The following PRKG1 variants were observed in gnomAD, a reference collection of about 807,000 sequenced individuals.
The protein encoded by PRKG1 is protein kinase cGMP-dependent 1.
PRKG1 carries 35 observed loss-of-function variants against 88.1 expected under a neutral mutation model. The ratio of observed to expected loss-of-function variants is 0.40; its 90% CI spans 0.30 to 0.53. PRKG1 has a LOEUF of 0.53. PRKG1 is among the 20% of genes least tolerant of loss of function. The pLI, the probability that PRKG1 is intolerant of heterozygous loss-of-function variation, is 0.59. For synonymous variants in PRKG1, 303 were observed against 292.5 expected, an observed-to-expected ratio of 1.04 and a Z score of -0.37; for missense variants, 540 against 839.8, an observed-to-expected ratio of 0.64 and a Z score of 4.41.
Position 51,978,089 on chromosome 10 carries a change from T to C in PRKG1, c.762+70519T>C, listed in dbSNP as rs115266585. The stretch of plus-strand genomic sequence containing the variant: ...TATTGCCTATGTCGTCTTCCAGGTT[T>C]TTTATAGTTTTGAGTTTTACATTTA... On this transcript the variant is annotated intron_variant, in intron 5 of 17. Coordinates refer to ENST00000373980, the MANE Select transcript of PRKG1 (RefSeq NM_006258.4). Among the ~76,000 whole-genome samples the C allele has an allele frequency of 2.8e-3, 419 of 152,228 alleles. 2 individuals are homozygous for C. The highest frequency in any genetic ancestry group is 9.6e-3 in the African/African-American group (397 of 41,552).
intron 3 of PRKG1, among the ~76,000 whole-genome samples, chr10:51,476,997 C>G (rs778026267): frequency 6.6e-6 from 1 of 151,940 alleles, no homozygotes; most frequent in Non-Finnish European, 1.5e-5. Flanking sequence ...GGTGAGGCAA[C>G]TGAGTTTTAA....
At chr10:51,478,167 G>T (rs891873239) in intron 3 of PRKG1, among the ~76,000 whole-genome samples, 2 of 152,114 alleles carry the variant, frequency 1.3e-5, no homozygotes, top group Non-Finnish European at 2.9e-5. Context: ...CTGAGGAGGC[G>T]CCAAGTATAT....
intron 5 of PRKG1, chr10:51,908,736 T>TATCTA (rs1564703535): frequency 3.1e-5 from 4 of 127,780 alleles, no homozygotes; most frequent in African/African-American, 1.1e-4. Flanking sequence ...TATATGTAAT[T>TATCTA]TTTTTTTTTT....
At chr10:51,284,790 A>G (rs1353819320) in intron 2 of PRKG1, among the ~76,000 whole-genome samples, 1 of 148,556 alleles carries the variant, frequency 6.7e-6, no homozygotes, top group African/African-American at 2.5e-5. Context: ...TTTTGTAACC[A>G]TGCAGTTGAA....
intron 2 of PRKG1, among the ~76,000 whole-genome samples, chr10:51,161,199 G>T (rs1201124540): frequency 6.6e-6 from 1 of 151,854 alleles, no homozygotes; most frequent in Non-Finnish European, 1.5e-5. Context: ...CAGATTTGAT[G>T]AATAGAGGTA....
intron 8 of PRKG1, among the ~76,000 whole-genome samples, chr10:52,142,841 C>CGTTTAA (rs1196419693): frequency 1.1e-4 from 17 of 152,236 alleles, no homozygotes; most frequent in African/African-American, 3.6e-4. Flanking sequence ...TTACAACACT[C>CGTTTAA]GTTTATCTGT....
chr10:51,836,625 T>C (rs1840137507), intron 4 of PRKG1, among the ~76,000 whole-genome samples: 1 of 152,178 alleles, frequency 6.6e-6, no homozygotes, highest in Non-Finnish European at 1.5e-5. Context: ...TTCATTCTTT[T>C]GTATGTGGAT....
chr10:51,616,846 T>C lies in PRKG1; in HGVS notation c.592+149010T>C, dbSNP rs1268357922. On this transcript the variant is annotated intron_variant, in intron 3 of 17. Coordinates refer to ENST00000373980, the MANE Select transcript of PRKG1 (RefSeq NM_006258.4). ...TGGTGGGTGGGAACATGCACACCACTTGCTCCTCAGGACCAAAAAGGTGGT... is the reference window on the plus strand; with the variant it reads ...TGGTGGGTGGGAACATGCACACCACCTGCTCCTCAGGACCAAAAAGGTGGT... 2.0e-5 allele frequency among the ~76,000 whole-genome samples: 3 copies of C among 152,116 alleles called. No homozygotes were observed. In the East Asian group the frequency reaches 5.8e-4, roughly 29 times the overall value.
At chr10:51,578,197 A>T (rs898292493) in intron 3 of PRKG1, among the ~76,000 whole-genome samples, 1 of 152,126 alleles carries the variant, frequency 6.6e-6, no homozygotes, top group South Asian at 2.1e-4. Context: ...AGCACACTTC[A>T]ATTAGATTAT....
intron 2 of PRKG1, among the ~76,000 whole-genome samples, chr10:51,272,359 GGT>G (rs201066802): frequency 6.6e-5 from 10 of 151,274 alleles, no homozygotes; most frequent in African/African-American, 2.2e-4. Context: ...CTTATCGTGG[GGT>G]GGGGGGCTAG....
chr10:52,125,944 T>C (rs1353476385), intron 7 of PRKG1: 1 of 152,128 alleles, frequency 6.6e-6, no homozygotes, highest in African/African-American at 2.4e-5. Context: ...AAGTGGCTAA[T>C]GGTTGGGGAG....
Position 51,705,618 on chromosome 10 carries a change from T to C in PRKG1, c.593-98967T>C, listed in dbSNP as rs573519942. Reference sequence around the variant, plus strand: ...ACAGATGCTTTATAAAGGCAAACTCTGAGCACTTAGTAGGGAGAAGGCTCT... The same window carrying C: ...ACAGATGCTTTATAAAGGCAAACTCCGAGCACTTAGTAGGGAGAAGGCTCT... On this transcript the variant is annotated intron_variant, in intron 3 of 17. Transcript: ENST00000373980. 1.2e-4 allele frequency among the ~76,000 whole-genome samples: 18 copies of C among 152,334 alleles called. No homozygotes were observed. The South Asian group carries it at 3.5e-3, about 30-fold the overall frequency.
intron 1 of PRKG1, among the ~76,000 whole-genome samples, chr10:50,997,212 T>A (rs952609886): frequency 6.6e-6 from 1 of 152,196 alleles, no homozygotes; most frequent in East Asian, 1.9e-4. Flanking sequence ...GTTGGTGAAT[T>A]GAGGTCTTCA....
chr10:51,136,189 C>T (rs1451488230), intron 1 of PRKG1, among the ~76,000 whole-genome samples: 2 of 151,718 alleles, frequency 1.3e-5, no homozygotes, highest in African/African-American at 4.8e-5. Flanking sequence ...GGGATAAGTT[C>T]GAAGGTGACC....
At chr10:52,023,193 G>C (rs1474723470) in intron 5 of PRKG1, among the ~76,000 whole-genome samples, 2 of 152,150 alleles carry the variant, frequency 1.3e-5, no homozygotes, top group Non-Finnish European at 2.9e-5. Flanking sequence ...GTGTTAGTTT[G>C]CTGAGAATGA....
Position 52,251,617 on chromosome 10 carries a change from T to G in PRKG1, c.1124T>G (p.Phe375Cys). The G allele has an allele frequency of 6.2e-7, 1 of 1,613,666 alleles. No homozygotes were observed. Residue 375 changes from phenylalanine to cysteine, a missense_variant, in exon 10 of 18, where the codon TTC becomes TGC. This residue lies in a region of PRKG1 where 400 missense variants were observed against 562.7 expected (regional missense o/e 0.71). Transcript: ENST00000373980. ...TTCGCCAACCTGAAGCTGTCTGATT[T>G]CAACATCATTGATACCCTTGGAGTT... ...AFFANLKLSD[F>C]NIIDTLGVGG...
At chr10:51,611,478 C>CT (rs144622120) in intron 3 of PRKG1, among the ~76,000 whole-genome samples, 4 of 125,060 alleles carry the variant, frequency 3.2e-5, no homozygotes, top group African/African-American at 5.0e-5. Context: ...ATTATTTGCC[C>CT]TTTTTTAAAA....
intron 3 of PRKG1, among the ~76,000 whole-genome samples, chr10:51,515,626 G>A (rs542911668): frequency 6.6e-6 from 1 of 152,214 alleles, no homozygotes; most frequent in Non-Finnish European, 1.5e-5. Context: ...CTCCTCCTCT[G>A]TTGAATTTTA....
At position 51,400,132 on chromosome 10, in the gene PRKG1, A is replaced by G. The variant is rs572018279; in HGVS notation, c.479-67591A>G. On this transcript the variant is annotated intron_variant, in intron 2 of 17. Transcript: ENST00000373980. ...TTCCCTAATAATTTTTTGAGTACCT[A>G]CTATATACCAGACACTCTTTTGGAT... Among the ~76,000 whole-genome samples the G allele has an allele frequency of 9.8e-5, 15 of 152,286 alleles. No homozygotes were observed. In the East Asian group the frequency reaches 2.3e-3, roughly 24 times the overall value.
Sources: allele counts gnomAD v4.1 joint callset (sites outside exome capture counted in the v4.1 genomes callset), GRCh38; gene constraint gnomAD v4.1.1; regional missense constraint gnomAD v4.1.1; transcripts MANE v1.5; gene names NCBI Gene and HGNC (gene_info 2026-07-23, HGNC 2026-07-21).